The following PPIC variants were observed in gnomAD, a reference collection of about 807,000 sequenced individuals.
PPIC encodes the protein peptidylprolyl isomerase C.
Under a neutral mutation model 19.5 loss-of-function variants are expected in PPIC, and 19 were observed. The ratio of observed to expected loss-of-function variants is 0.98; its 90% CI spans 0.68 to 1.43. The LOEUF is 1.43. Among genes scored for constraint, PPIC ranks in the 40% most tolerant of loss-of-function variants. PPIC has a pLI of 0.00. For missense variants in PPIC, 268 were observed against 268.6 expected (o/e 1.00, Z 0.02); for synonymous variants, 107 against 101.2 (o/e 1.06, Z -0.34).
rs1762788399 is a variant in PPIC at position 123,023,263 on chromosome 5, T to C, written c.*612A>G. 1 of 152,250 alleles carries C rather than the reference T, an allele frequency of 6.6e-6. No homozygotes were observed. The highest frequency in any genetic ancestry group is 2.4e-5 in the African/African-American group (1 of 41,468). 9.4% of individuals were successfully genotyped at this position (152,250 alleles called of 1,614,324 possible). A position where few individuals can be genotyped will look rare whatever the true frequency, so the allele number is the denominator to read the frequency against. Reference sequence around the variant, plus strand: ...TGGGCATAATTTCTGAGTTATCTAATTATGTTTGTAGTTTGATTTATAAAA... The same window carrying C: ...TGGGCATAATTTCTGAGTTATCTAACTATGTTTGTAGTTTGATTTATAAAA... On this transcript the variant is annotated 3_prime_UTR_variant, in exon 5 of 5. Transcript: ENST00000306442.
intron 4 of PPIC, among the ~76,000 whole-genome samples, chr5:123,024,922 G>A (rs146914014): frequency 6.6e-6 from 1 of 152,296 alleles, no homozygotes; most frequent in African/African-American, 2.4e-5. Context: ...CACCTGTAAG[G>A]CAGAAATATT....
intron 1 of PPIC, among the ~76,000 whole-genome samples, chr5:123,030,885 C>T (rs990982638): frequency 5.3e-5 from 8 of 152,132 alleles, no homozygotes; most frequent in East Asian, 3.9e-4. Context: ...AAACATCATA[C>T]GAGACACTAG....
At chr5:123,024,085 A>T (rs1762814093) in intron 4 of PPIC, 82 bp from the exon 5 acceptor site, 1 of 1,499,164 alleles carries the variant, frequency 6.7e-7, no homozygotes. Context: ...GCCAACTCCA[A>T]AAGCCCAAGT....
chr5:123,023,805 ACAACACACAC>A lies in PPIC; in HGVS notation c.*60_*69del. ...AAAAAGCAAATAATTGAAAGACAAC[ACAACACACAC>A]ACACACACACACACACACACACCCC... On this transcript the variant is annotated 3_prime_UTR_variant, in exon 5 of 5. Transcript: ENST00000306442. 1 of 1,236,708 alleles carries A rather than the reference ACAACACACAC, an allele frequency of 8.1e-7. No homozygotes were observed. Among genetic ancestry groups the A allele is most frequent in the Non-Finnish European group, 1.1e-6 (1 of 941,146 alleles). 76.6% of individuals were successfully genotyped at this position (1,236,708 alleles called of 1,614,324 possible).
chr5:123,027,092 T>C (rs576849006), intron 3 of PPIC, among the ~76,000 whole-genome samples: 17 of 151,614 alleles, frequency 1.1e-4, no homozygotes, highest in Non-Finnish European at 2.4e-4. Context: ...TACTTGGGAG[T>C]CTGAGGCAGG....
chr5:123,033,403 T>A (rs1762966966), intron 1 of PPIC, among the ~76,000 whole-genome samples: 1 of 152,062 alleles, frequency 6.6e-6, no homozygotes, highest in Non-Finnish European at 1.5e-5. Context: ...CTTTGTTAGT[T>A]CCCATGAGAA....
At position 123,029,301 on chromosome 5, in the gene PPIC, A is replaced by C; in HGVS notation, c.231+4T>G. 6.2e-7 allele frequency: 1 copy of C among 1,614,150 alleles called. No individual in the cohort carries two copies. The highest frequency in any genetic ancestry group is 1.1e-5 in the South Asian group (1 of 91,068). On this transcript the variant is annotated splice_donor_region_variant and intron_variant, in intron 2 of 4. Coordinates refer to ENST00000306442, the MANE Select transcript of PPIC (RefSeq NM_000943.5). The stretch of plus-strand genomic sequence containing the variant: ...AATTTAAAGGAAATAAAATTGAGAC[A>C]TACCTCTCCTGTTGCTAGAGCAACA...
At chr5:123,034,222 G>A (rs1185706469) in intron 1 of PPIC, among the ~76,000 whole-genome samples, 1 of 152,200 alleles carries the variant, frequency 6.6e-6, no homozygotes. Context: ...AGATTTAGTT[G>A]TCTTTACAAG....
chr5:123,036,446 T>C lies in PPIC; in HGVS notation c.117+63A>G. The stretch of plus-strand genomic sequence containing the variant: ...CCGCCCTGACACCGAGGTCCCAGTA[T>C]CCAAAGCGCCCCCAGGGCCCCGCCC... On this transcript the variant is annotated intron_variant, in intron 1 of 4. Coordinates refer to ENST00000306442, the MANE Select transcript of PPIC (RefSeq NM_000943.5). The surrounding 1 kb of genome is among the most constrained non-coding windows in gnomAD (Gnocchi z 4.5). The C allele has an allele frequency of 6.9e-7, 1 of 1,454,456 alleles. No individual in the cohort carries two copies. The highest frequency in any genetic ancestry group is 9.5e-7 in the Non-Finnish European group (1 of 1,055,112). 90.1% of individuals were successfully genotyped at this position (1,454,456 alleles called of 1,614,324 possible).
chr5:123,023,758 A>C lies in PPIC; in HGVS notation c.*117T>G. 1 of 1,400,352 alleles carries C rather than the reference A, an allele frequency of 7.1e-7. No individual in the cohort carries two copies. Among genetic ancestry groups the C allele is most frequent in the Non-Finnish European group, 9.4e-7 (1 of 1,062,024 alleles). 86.7% of individuals were successfully genotyped at this position (1,400,352 alleles called of 1,614,324 possible). The stretch of plus-strand genomic sequence containing the variant: ...TAACTTTCCTGTGATCTGGGATAGA[A>C]TACAAAAAGAAAGTAAAAAAAAAAA... On this transcript the variant is annotated 3_prime_UTR_variant, in exon 5 of 5. Transcript: ENST00000306442.
chr5:123,029,989 G>T (rs894064671), intron 1 of PPIC, among the ~76,000 whole-genome samples: 1 of 152,262 alleles, frequency 6.6e-6, no homozygotes, highest in Middle Eastern at 3.4e-3. Flanking sequence ...TCCTTCAAAA[G>T]GCCTGCCACT....
intron 1 of PPIC, 122 bp from the exon 2 acceptor site, chr5:123,029,540 T>A (rs1021010229): frequency 7.8e-6 from 11 of 1,409,522 alleles, no homozygotes; most frequent in Non-Finnish European, 1.0e-5. Context: ...CAGTATTTTG[T>A]AAAGGAGCAT....
At position 123,036,108 on chromosome 5, in the gene PPIC, C is replaced by T. The variant is rs1283204141; in HGVS notation, c.117+401G>A. Among the ~76,000 whole-genome samples the T allele has an allele frequency of 1.3e-5, 2 of 152,088 alleles. No individual in the cohort carries two copies. The highest frequency in any genetic ancestry group is 3.9e-4 in the East Asian group (2 of 5,180). On this transcript the variant is annotated intron_variant, in intron 1 of 4. Coordinates refer to ENST00000306442, the MANE Select transcript of PPIC (RefSeq NM_000943.5). The surrounding 1 kb of genome is among the most constrained non-coding windows in gnomAD (Gnocchi z 4.5). ...TCCGAGCGCCTCTCCTGTGCGGGTC[C>T]CGCCCCCCTCCCCGCATTCCTCTCG... is the stretch of plus-strand genomic sequence containing the variant.
rs181333060 is a variant in PPIC, at chr5:123,031,639, A to G, written c.118-2221T>C. Among the ~76,000 whole-genome samples, 9 of 152,278 alleles carry G rather than the reference A, an allele frequency of 5.9e-5. No homozygotes were observed. The East Asian group carries it at 1.7e-3, about 29-fold the overall frequency. On this transcript the variant is annotated intron_variant, in intron 1 of 4. Transcript: ENST00000306442. ...ATGAGTTTTGTTAGGCAAAAGAGAG[A>G]AGACAAAGAATAAGGTCAAGCGAGG...
At chr5:123,029,125 A>G (rs777521666) in intron 2 of PPIC, 180 bp downstream of exon 2, 88 of 1,189,822 alleles carry the variant, frequency 7.4e-5, no homozygotes, top group Non-Finnish European at 1.0e-4. Flanking sequence ...TTTTCTCCCA[A>G]TTTCCAGAAG....
rs982137322 is a variant in PPIC, at chr5:123,029,309, C to G, written c.227G>C (p.Gly76Ala). 1.7e-5 allele frequency: 28 copies of G among 1,613,990 alleles called. No homozygotes were observed. The highest frequency in any genetic ancestry group is 3.3e-4 in the Middle Eastern group (2 of 6,084). The change falls in exon 2 of 5, where the codon GGA becomes GCA. Residue 76 changes from glycine (G) to alanine (A), a missense_variant. By Grantham distance (60) the Gly-to-Ala change is moderately conservative (BLOSUM62 0). Coordinates refer to ENST00000306442, the MANE Select transcript of PPIC (RefSeq NM_000943.5). The part of the protein sequence containing the change: ...TVENFVALAT[G>A]EKGYGYKGSK... ...GGAAATAAAATTGAGACATACCTCT[C>G]CTGTTGCTAGAGCAACAAAATTTTC...
At chr5:123,031,962 A>T (rs1289790533) in intron 1 of PPIC, among the ~76,000 whole-genome samples, 1 of 151,988 alleles carries the variant, frequency 6.6e-6, no homozygotes, top group Non-Finnish European at 1.5e-5. Context: ...ACACCTGGCT[A>T]ATTTTTGTAT....
chr5:123,032,524 TG>T (rs1050721012), intron 1 of PPIC, among the ~76,000 whole-genome samples: 4 of 152,166 alleles, frequency 2.6e-5, no homozygotes, highest in African/African-American at 9.7e-5. Context: ...AAGGAGGACC[TG>T]GGCACACACA....
chr5:123,023,794 T>G lies in PPIC; in HGVS notation c.*81A>C. ...AAGTAAAAAAAAAAAAGCAAATAAT[T>G]GAAAGACAACACAACACACACACAC... On this transcript the variant is annotated 3_prime_UTR_variant, in exon 5 of 5. Transcript: ENST00000306442. 7.8e-7 allele frequency: 1 copy of G among 1,276,088 alleles called. No individual in the cohort carries two copies. Among genetic ancestry groups the G allele is most frequent in the Non-Finnish European group, 1.0e-6 (1 of 976,194 alleles). 79.0% of individuals were successfully genotyped at this position (1,276,088 alleles called of 1,614,324 possible).
Sources: gnomAD v4.1 joint callset for allele counts (sites outside exome capture counted in the v4.1 genomes callset) on GRCh38, gnomAD v4.1.1 for gene constraint, Gnocchi (gnomAD v3.1) non-coding constraint, MANE v1.5 for transcripts, NCBI Gene and HGNC (gene_info 2026-07-23, HGNC 2026-07-21) for gene names.